The following EFCAB13 variants were observed in gnomAD, a reference collection of about 807,000 sequenced individuals.
EFCAB13 encodes EF-hand calcium binding domain 13.
A neutral mutation model predicts 110.2 loss-of-function variants in EFCAB13; 91 were observed. The observed-to-expected ratio is 0.83, with a 90% CI of 0.70 to 0.98. EFCAB13 has a LOEUF of 0.98. Ranked by LOEUF, EFCAB13 falls within the 50% of genes least tolerant of loss-of-function variation. The pLI is 0.00. For synonymous variants in EFCAB13, 323 were observed against 369.9 expected, an observed-to-expected ratio of 0.87 and a Z score of 1.45; for missense variants, 968 against 1,119.4, an observed-to-expected ratio of 0.86 and a Z score of 1.93.
chr17:47,406,869 C>G (rs990889466), intron 20 of EFCAB13, among the ~76,000 whole-genome samples: 4 of 152,216 alleles, frequency 2.6e-5, no homozygotes, highest in Non-Finnish European at 4.4e-5. Flanking sequence ...CTCTTCTTCA[C>G]TGACCTGTTT....
intron 3 of EFCAB13, 149 bp from the exon 4 acceptor site, chr17:47,328,120 A>G (rs1043087104): frequency 7.8e-5 from 39 of 497,610 alleles, no homozygotes; most frequent in African/African-American, 6.6e-4. Context: ...TGCTTTTTCT[A>G]GTGTTTGCCC....
intron 4 of EFCAB13, among the ~76,000 whole-genome samples, chr17:47,332,383 G>C (rs560451430): frequency 2.0e-5 from 3 of 152,124 alleles, no homozygotes; most frequent in East Asian, 1.9e-4. Flanking sequence ...CTAGCTATTA[G>C]CATAATCATT....
chr17:47,357,577 G>C (rs2065488153), intron 9 of EFCAB13, among the ~76,000 whole-genome samples: 1 of 152,144 alleles, frequency 6.6e-6, no homozygotes. Context: ...ACCACGCCCA[G>C]CTAATTTTTG....
intron 5 of EFCAB13, among the ~76,000 whole-genome samples, chr17:47,338,407 G>A (rs945179772): frequency 2.0e-5 from 3 of 151,910 alleles, no homozygotes; most frequent in East Asian, 1.9e-4. Flanking sequence ...GCACCACCAC[G>A]CCTGGCTAAT....
Position 47,361,540 on chromosome 17 carries a change from G to T in EFCAB13, c.805+19G>T. 1 of 1,586,410 alleles carries T rather than the reference G, an allele frequency of 6.3e-7. No individual in the cohort carries two copies. The highest frequency in any genetic ancestry group is 8.6e-7 in the Non-Finnish European group (1 of 1,156,268). ...ATTGACAGTGAGTTATTTGCATTGA[G>T]ATATATATGTCCATATATATGTGCA... On this transcript the variant is annotated intron_variant, in intron 10 of 24. Transcript: ENST00000331493.
At chr17:47,371,127 T>G (rs2065582362) in intron 11 of EFCAB13, among the ~76,000 whole-genome samples, 1 of 151,096 alleles carries the variant, frequency 6.6e-6, no homozygotes, top group African/African-American at 2.4e-5. Flanking sequence ...TTCTGGATAT[T>G]AATCCCTTCT....
At chr17:47,374,214 G>C (rs2065600731) in intron 11 of EFCAB13, among the ~76,000 whole-genome samples, 2 of 152,088 alleles carry the variant, frequency 1.3e-5, no homozygotes, top group Admixed American at 1.3e-4. Context: ...TACTTCATTA[G>C]GCTATCATTT....
At chr17:47,362,646 C>T (rs1947136091) in intron 10 of EFCAB13, among the ~76,000 whole-genome samples, 1 of 152,336 alleles carries the variant, frequency 6.6e-6, no homozygotes, top group East Asian at 1.9e-4. Context: ...AGTGGTCACA[C>T]TCCTAGTCTG....
chr17:47,385,400 C>T (rs1346691309), intron 14 of EFCAB13, among the ~76,000 whole-genome samples: 1 of 151,810 alleles, frequency 6.6e-6, no homozygotes, highest in Non-Finnish European at 1.5e-5. Context: ...AGTTGAACTT[C>T]AATCTCTGAT....
At chr17:47,384,011 C>T (rs561110579) in intron 14 of EFCAB13, among the ~76,000 whole-genome samples, 8 of 152,182 alleles carry the variant, frequency 5.3e-5, no homozygotes, top group East Asian at 1.9e-4. Flanking sequence ...TTTTATGAAT[C>T]GGGGTACTCC....
At chr17:47,340,546 G>A (rs965122663) in intron 5 of EFCAB13, among the ~76,000 whole-genome samples, 5 of 151,868 alleles carry the variant, frequency 3.3e-5, no homozygotes, top group Admixed American at 6.6e-5. Flanking sequence ...ATGATTGAAG[G>A]AATGATAGAT....
In EFCAB13 at chr17:47,411,290, G is replaced by A. The variant is rs532176666; in HGVS notation, c.2279-1483G>A. Among the ~76,000 whole-genome samples the A allele has an allele frequency of 1.2e-4, 19 of 152,086 alleles. No individual in the cohort carries two copies. The South Asian group carries it at 4.0e-3, about 32-fold the overall frequency. On this transcript the variant is annotated intron_variant, in intron 21 of 24. Transcript: ENST00000331493. ...ATACTACTTAGCACAATTTAAATTG[G>A]CTCTATTTGCTTTTGCATTTATTTG...
chr17:47,356,203 A>G (rs1291991684), intron 9 of EFCAB13, among the ~76,000 whole-genome samples: 1 of 151,676 alleles, frequency 6.6e-6, no homozygotes. Context: ...CAGAGATTTC[A>G]TCTTGATTTG....
At chr17:47,432,087 C>T (rs1422203042) in intron 24 of EFCAB13, among the ~76,000 whole-genome samples, 1 of 152,008 alleles carries the variant, frequency 6.6e-6, no homozygotes, top group Non-Finnish European at 1.5e-5. Context: ...GAAACCGTGT[C>T]TCTACAAAAA....
chr17:47,420,964 C>T (rs1316666312), intron 23 of EFCAB13, among the ~76,000 whole-genome samples: 1 of 150,984 alleles, frequency 6.6e-6, no homozygotes, highest in African/African-American at 2.4e-5. Context: ...TCTGCCCAGC[C>T]AGCCGCCCCG....
At chr17:47,402,109 A>G (rs775130333) in intron 17 of EFCAB13, 23 bp from the exon 18 acceptor site, 21 of 1,610,548 alleles carry the variant, frequency 1.3e-5, no homozygotes, top group Non-Finnish European at 1.7e-5. Flanking sequence ...AGGTTGGTCT[A>G]TTAAAAGTGT....
At chr17:47,428,466 A>G (rs1398341135) in intron 23 of EFCAB13, among the ~76,000 whole-genome samples, 1 of 152,094 alleles carries the variant, frequency 6.6e-6, no homozygotes, top group Admixed American at 6.6e-5. Flanking sequence ...TTAAATGGTA[A>G]GTCTCTAACA....
intron 3 of EFCAB13, chr17:47,327,956 A>G (rs2065296868): frequency 6.4e-6 from 2 of 312,918 alleles, no homozygotes; most frequent in East Asian, 1.1e-4. Flanking sequence ...ATGAGTGATT[A>G]CTACTGTCTT....
chr17:47,371,593 C>A (rs111960153), intron 11 of EFCAB13, among the ~76,000 whole-genome samples: 19 of 152,088 alleles, frequency 1.2e-4, no homozygotes, highest in African/African-American at 4.6e-4. Flanking sequence ...TTTCTGGGTT[C>A]TTTATTCTGT....
Sources: gnomAD v4.1 joint callset for allele counts (sites outside exome capture counted in the v4.1 genomes callset) on GRCh38, gnomAD v4.1.1 for gene constraint, MANE v1.5 for transcripts, NCBI Gene and HGNC (gene_info 2026-07-23, HGNC 2026-07-21) for gene names.